KCNK10: variants seen among roughly 807,000 people sequenced by gnomAD.
The protein encoded by KCNK10 is potassium channel subfamily K member 10.
Under a neutral mutation model 47.7 loss-of-function variants are expected in KCNK10, and 25 were observed. The observed-to-expected ratio is 0.52, with a 90% CI of 0.38 to 0.73. KCNK10 has a LOEUF of 0.73. Among genes scored for constraint, KCNK10 ranks in the 30% least tolerant of loss-of-function variants. KCNK10 has a pLI of 0.00. For missense variants in KCNK10, 563 were observed against 714.5 expected (o/e 0.79, Z 2.42); for synonymous variants, 303 against 285.6 (o/e 1.06, Z -0.61).
In KCNK10 at chr14:88,192,420, G is replaced by T; in HGVS notation, c.682-10C>A. On this transcript the variant is annotated splice_polypyrimidine_tract_variant and intron_variant, in intron 4 of 6. Transcript: ENST00000319231. Reference sequence around the variant, plus strand: ...GACTCACTTGCTTTTTCTAGGAAGAGCAAAGGAGAAAGATAGGCAAGTCAG... The same window carrying T: ...GACTCACTTGCTTTTTCTAGGAAGATCAAAGGAGAAAGATAGGCAAGTCAG... The T allele has an allele frequency of 6.2e-7, 1 of 1,611,928 alleles. No individual in the cohort carries two copies. Among genetic ancestry groups the T allele is most frequent in the South Asian group, 1.1e-5 (1 of 90,818 alleles).
intron 4 of KCNK10, among the ~76,000 whole-genome samples, chr14:88,205,058 C>G (rs1566684429): frequency 6.6e-6 from 1 of 152,244 alleles, no homozygotes; most frequent in African/African-American, 2.4e-5. Context: ...TCTCTTCCCC[C>G]AGGCTCTTGG....
At chr14:88,213,097 A>G (rs1885512665) in intron 4 of KCNK10, among the ~76,000 whole-genome samples, 1 of 152,214 alleles carries the variant, frequency 6.6e-6, no homozygotes, top group Non-Finnish European at 1.5e-5. Context: ...ATCAATGACT[A>G]CTGACATGCC....
chr14:88,252,340 C>T (rs1886825020), intron 2 of KCNK10, among the ~76,000 whole-genome samples: 1 of 152,168 alleles, frequency 6.6e-6, no homozygotes, highest in South Asian at 2.1e-4. Flanking sequence ...CTTTTATTCA[C>T]CATTACATCC....
intron 4 of KCNK10, among the ~76,000 whole-genome samples, chr14:88,194,101 A>G (rs1884835188): frequency 6.6e-6 from 1 of 152,248 alleles, no homozygotes; most frequent in South Asian, 2.1e-4. Context: ...TTGATATAGA[A>G]ACCCTCCTAA....
intron 4 of KCNK10, among the ~76,000 whole-genome samples, chr14:88,219,384 G>A (rs1166560534): frequency 6.6e-6 from 1 of 152,228 alleles, no homozygotes; most frequent in Non-Finnish European, 1.5e-5. Context: ...ACAACGCTCT[G>A]AAGAGCCAGC....
Position 88,306,730 on chromosome 14 carries a change from G to A in KCNK10, c.52+16017C>T, listed in dbSNP as rs561405058. ...GGGGAGCCAACTAAGACACCATAGT[G>A]TTTCATTACAATCTATTATTGAAGA... On this transcript the variant is annotated intron_variant, in intron 1 of 6. Transcript: ENST00000319231. Among the ~76,000 whole-genome samples, 524 of 152,222 alleles carry A rather than the reference G, an allele frequency of 3.4e-3. 7 individuals carry two copies. The highest frequency in any genetic ancestry group is 0.012 in the African/African-American group (512 of 41,514).
upstream of KCNK10, chr14:88,323,656 C>A (rs1888601965): frequency 6.6e-6 from 1 of 151,096 alleles, no homozygotes; most frequent in Admixed American, 6.6e-5. Context: ...CTGGCTCGGC[C>A]GGCCGGCGGG....
chr14:88,212,183 A>G (rs1481615671), intron 4 of KCNK10, among the ~76,000 whole-genome samples: 1 of 150,600 alleles, frequency 6.6e-6, no homozygotes, highest in Non-Finnish European at 1.5e-5. Flanking sequence ...GCTTATGCCT[A>G]TAATCCCCAC....
chr14:88,219,408 C>T (rs955565889), intron 4 of KCNK10, among the ~76,000 whole-genome samples: 7 of 152,244 alleles, frequency 4.6e-5, no homozygotes, highest in Non-Finnish European at 1.0e-4. Flanking sequence ...CAGCGCTCAG[C>T]TGTTTCCCCC....
chr14:88,199,447 G>A (rs1370424837), intron 4 of KCNK10, among the ~76,000 whole-genome samples: 1 of 152,150 alleles, frequency 6.6e-6, no homozygotes, highest in East Asian at 1.9e-4. Context: ...GAGTGGATTG[G>A]GACAGCCATT....
chr14:88,283,172 T>C (rs1208841757), intron 1 of KCNK10, among the ~76,000 whole-genome samples: 4 of 152,186 alleles, frequency 2.6e-5, no homozygotes, highest in Non-Finnish European at 5.9e-5. Context: ...GAAAACTTGA[T>C]GTGGAAAAGG....
At chr14:88,284,747 T>C (rs771819817) in intron 1 of KCNK10, among the ~76,000 whole-genome samples, 3 of 152,122 alleles carry the variant, frequency 2.0e-5, no homozygotes, top group Non-Finnish European at 4.4e-5. Context: ...TCCTCTCCAG[T>C]CCACTGGCTC....
rs1363066869 is a variant in KCNK10, at chr14:88,240,687, GCAAA to G, written c.520+12_520+15del. Reference sequence around the variant, plus strand: ...ATGACCTGCAGAGGAAGAGATATTAGCAAACAAACGGGTACCTATGGTCGTAATG... The same window carrying G: ...ATGACCTGCAGAGGAAGAGATATTAGCAAACGGGTACCTATGGTCGTAATG... On this transcript the variant is annotated intron_variant, in intron 3 of 6. Transcript: ENST00000319231. 6.6e-7 allele frequency: 1 copy of G among 1,525,762 alleles called. No individual in the cohort carries two copies. Among genetic ancestry groups the G allele is most frequent in the African/African-American group, 1.4e-5 (1 of 73,018 alleles). 94.5% of individuals were successfully genotyped at this position (1,525,762 alleles called of 1,614,324 possible). A position where few individuals can be genotyped will look rare whatever the true frequency, so the allele number is the denominator to read the frequency against.
At chr14:88,296,064 CA>C (rs1595126928) in intron 1 of KCNK10, among the ~76,000 whole-genome samples, 2 of 152,274 alleles carry the variant, frequency 1.3e-5, no homozygotes, top group East Asian at 3.9e-4. Flanking sequence ...GAAGTTATTC[CA>C]GGTATTGGTA....
At chr14:88,291,107 C>A (rs1229433111) in intron 1 of KCNK10, among the ~76,000 whole-genome samples, 2 of 152,176 alleles carry the variant, frequency 1.3e-5, no homozygotes, top group Non-Finnish European at 2.9e-5. Context: ...CATGAAGAAG[C>A]CAAACACTGC....
intron 4 of KCNK10, among the ~76,000 whole-genome samples, chr14:88,201,111 T>A (rs374008964): frequency 2.6e-5 from 4 of 152,296 alleles, no homozygotes; most frequent in African/African-American, 9.6e-5. Context: ...TTCACATACA[T>A]TGGCTGTTTT....
intron 1 of KCNK10, among the ~76,000 whole-genome samples, chr14:88,318,202 A>G (rs1459117713): frequency 6.6e-6 from 1 of 152,202 alleles, no homozygotes; most frequent in African/African-American, 2.4e-5. Context: ...TTTGCCATTT[A>G]TAGCTGAGAG....
intron 4 of KCNK10, among the ~76,000 whole-genome samples, chr14:88,218,480 T>A (rs901151022): frequency 6.6e-6 from 1 of 152,058 alleles, no homozygotes; most frequent in Non-Finnish European, 1.5e-5. Context: ...TTTTATTATT[T>A]GTCAGTGACA....
intron 2 of KCNK10, among the ~76,000 whole-genome samples, chr14:88,262,869 C>T (rs1887149317): frequency 1.3e-5 from 2 of 152,152 alleles, no homozygotes; most frequent in South Asian, 4.1e-4. Context: ...TCTTCGGGTT[C>T]TATCCCAGCA....
Sources: gnomAD v4.1 joint callset for allele counts (sites outside exome capture counted in the v4.1 genomes callset) on GRCh38, gnomAD v4.1.1 for gene constraint, MANE v1.5 for transcripts, NCBI Gene and HGNC (gene_info 2026-07-23, HGNC 2026-07-21) for gene names.